The following LOC400499 variants were observed in gnomAD, a reference collection of about 807,000 sequenced individuals.
chr16:11,468,847 G>C, the LOC400499 span, among the ~76,000 whole-genome samples: 1 of 152,120 alleles, frequency 6.6e-6, no homozygotes, highest in Non-Finnish European at 1.5e-5. Context: ...GGCTGGTCTC[G>C]AACTCCTGAT....
chr16:11,385,879 A>G, the LOC400499 span, among the ~76,000 whole-genome samples: 15 of 152,190 alleles, frequency 9.9e-5, no homozygotes, highest in Non-Finnish European at 1.8e-4. Context: ...TACACTTAAA[A>G]TTCACACATC....
the LOC400499 span, chr16:11,443,436 C>G: frequency 2.5e-6 from 1 of 405,740 alleles, no homozygotes; most frequent in South Asian, 1.7e-5. Context: ...ACTCCAGACT[C>G]CAGCCTAGAC....
the LOC400499 span, chr16:11,522,208 C>G: frequency 5.8e-5 from 23 of 398,204 alleles, no homozygotes; most frequent in African/African-American, 3.3e-4. Context: ...ACACCTCTCT[C>G]TCTCCATCTG....
At chr16:11,492,989 G>C in the LOC400499 span, among the ~76,000 whole-genome samples, 1 of 152,138 alleles carries the variant, frequency 6.6e-6, no homozygotes, top group Non-Finnish European at 1.5e-5. Flanking sequence ...AGTGTACCAG[G>C]AAAGAGCATG....
the LOC400499 span, among the ~76,000 whole-genome samples, chr16:11,449,835 C>T: frequency 6.6e-6 from 1 of 152,268 alleles, no homozygotes; most frequent in Non-Finnish European, 1.5e-5. Context: ...TTCCCCACCA[C>T]TAGTCCATCA....
the LOC400499 span, among the ~76,000 whole-genome samples, chr16:11,395,406 G>A: frequency 1.3e-5 from 2 of 152,198 alleles, no homozygotes; most frequent in South Asian, 2.1e-4. Context: ...TCCGCCATGG[G>A]TTCACTCCCA....
the LOC400499 span, among the ~76,000 whole-genome samples, chr16:11,405,024 C>T: frequency 6.6e-6 from 1 of 152,220 alleles, no homozygotes; most frequent in African/African-American, 2.4e-5. Flanking sequence ...AACCCAAATG[C>T]TTCCTAAGGA....
chr16:11,468,703 C>G, the LOC400499 span, among the ~76,000 whole-genome samples: 1 of 152,218 alleles, frequency 6.6e-6, no homozygotes, highest in Non-Finnish European at 1.5e-5. Context: ...TCTCAGCTCA[C>G]TGAAACCTCC....
chr16:11,420,116 A>G, the LOC400499 span, among the ~76,000 whole-genome samples: 1 of 149,294 alleles, frequency 6.7e-6, no homozygotes, highest in African/African-American at 2.5e-5. Context: ...AGGACTATAA[A>G]TCATGCTGCT....
At chr16:11,474,416 C>T in the LOC400499 span, among the ~76,000 whole-genome samples, 1 of 152,158 alleles carries the variant, frequency 6.6e-6, no homozygotes, top group Non-Finnish European at 1.5e-5. Context: ...AGCCATTTTG[C>T]CTACTCTGGA....
the LOC400499 span, among the ~76,000 whole-genome samples, chr16:11,489,072 G>A: frequency 2.0e-5 from 3 of 152,216 alleles, no homozygotes; most frequent in African/African-American, 7.2e-5. Flanking sequence ...TGGAAATCCA[G>A]CCCGTGTATG....
chr16:11,467,926 G>A, the LOC400499 span, among the ~76,000 whole-genome samples: 16 of 152,170 alleles, frequency 1.1e-4, no homozygotes, highest in East Asian at 2.9e-3. Context: ...CCGTTTGCCT[G>A]GTGTCCTTAT....
chr16:11,460,164 C>A, the LOC400499 span: 1 of 974,886 alleles, frequency 1.0e-6, no homozygotes, highest in Non-Finnish European at 1.4e-6. Context: ...TCAGAAGAGA[C>A]GGTTCTGTAG....
chr16:11,463,633 T>C, the LOC400499 span, among the ~76,000 whole-genome samples: 1 of 152,218 alleles, frequency 6.6e-6, no homozygotes, highest in Admixed American at 6.5e-5. Context: ...CATACAGATA[T>C]GTCTACACGT....
chr16:11,448,935 T>C, the LOC400499 span: 73 of 1,487,256 alleles, frequency 4.9e-5, no homozygotes, highest in Non-Finnish European at 6.3e-5. Context: ...CAGGTGCCTG[T>C]AGGCCGCTGT....
the LOC400499 span, among the ~76,000 whole-genome samples, chr16:11,490,976 A>G: frequency 2.6e-5 from 4 of 152,226 alleles, no homozygotes; most frequent in Non-Finnish European, 5.9e-5. Flanking sequence ...AGTAGTGATA[A>G]CAACATTAAA....
the LOC400499 span, among the ~76,000 whole-genome samples, chr16:11,474,527 A>G: frequency 2.0e-5 from 3 of 152,162 alleles, no homozygotes; most frequent in African/African-American, 7.2e-5. Context: ...TGTATAGGGT[A>G]GAATTACAGA....
At chr16:11,513,746 A>G in the LOC400499 span, among the ~76,000 whole-genome samples, 678 of 152,248 alleles carry the variant, frequency 4.5e-3, 12 homozygotes, top group Admixed American at 0.038. Context: ...TTTTATTTAA[A>G]TTTAACTAAT....
At chr16:11,463,881 A>C in the LOC400499 span, among the ~76,000 whole-genome samples, 1 of 152,174 alleles carries the variant, frequency 6.6e-6, no homozygotes, top group Non-Finnish European at 1.5e-5. Flanking sequence ...GGATGCGTGC[A>C]TATGAATGTG....
Sources: allele counts gnomAD v4.1 joint callset (sites outside exome capture counted in the v4.1 genomes callset), GRCh38; gene constraint gnomAD v4.1.1; transcripts MANE v1.5.